Variants in MRTFB observed in about 807,000 individuals in gnomAD.
The protein encoded by MRTFB is myocardin related transcription factor B, also known as myocardin-related transcription factor B.
A neutral mutation model predicts 104.2 loss-of-function variants in MRTFB; 29 were observed. That is an observed-to-expected ratio of 0.28 (90% CI 0.21 to 0.38). The LOEUF (loss-of-function observed/expected upper bound fraction) is 0.38, where lower values mean the gene tolerates loss of function less well. Among genes scored for constraint, MRTFB ranks in the 10% least tolerant of loss-of-function variants. The probability of loss-of-function intolerance (pLI) is 1.00; values close to 1 mark genes in which losing one functional copy is unlikely to be tolerated. For synonymous variants in MRTFB, 535 were observed against 519.5 expected (o/e 1.03, Z -0.41); for missense variants, 1,270 against 1,341.6 (o/e 0.95, Z 0.83).
the MRTFB span, among the ~76,000 whole-genome samples, chr16:14,048,079 A>G: frequency 6.6e-6 from 1 of 152,178 alleles, no homozygotes; most frequent in African/African-American, 2.4e-5. Context: ...ACCCATTCCA[A>G]ATGGGAGAAA....
chr16:14,045,034 C>A, the MRTFB span, among the ~76,000 whole-genome samples: 1 of 152,132 alleles, frequency 6.6e-6, no homozygotes. Context: ...TGCCATGAAC[C>A]TTTTGCCCCT....
chr16:14,164,487 A>G lies in MRTFB; in HGVS notation c.154+23727A>G, dbSNP rs148547592. 2.5e-4 allele frequency among the ~76,000 whole-genome samples: 38 copies of G among 152,064 alleles called. 1 individual carries two copies. The East Asian group carries it at 5.0e-3, about 20-fold the overall frequency. ...GGGGATGGGGGTGTTCACACACTAC[A>G]TTTTCTTTATCCATTCATCTGATGG... On this transcript the variant is annotated intron_variant, in intron 3 of 16. Transcript: ENST00000571589.
chr16:14,056,281 T>C, the MRTFB span, among the ~76,000 whole-genome samples: 1 of 152,156 alleles, frequency 6.6e-6, no homozygotes, highest in African/African-American at 2.4e-5. Flanking sequence ...GCCCGGCCTA[T>C]TAATTGTAAT....
intron 3 of MRTFB, among the ~76,000 whole-genome samples, chr16:14,145,442 C>T (rs943568584): frequency 6.6e-6 from 1 of 152,116 alleles, no homozygotes; most frequent in African/African-American, 2.4e-5. Flanking sequence ...ATGAAGTTGA[C>T]GTTTAATGAT....
the MRTFB span, among the ~76,000 whole-genome samples, chr16:14,053,471 A>G: frequency 6.6e-6 from 1 of 152,022 alleles, no homozygotes; most frequent in African/African-American, 2.4e-5. Context: ...AGTGGCTCAC[A>G]TCTGTAATCC....
chr16:14,195,422 G>T, intron 3 of MRTFB: 2 of 645,798 alleles, frequency 3.1e-6, no homozygotes, highest in Non-Finnish European at 3.8e-6. Flanking sequence ...GCACATGTGT[G>T]TGTATATATA....
the MRTFB span, among the ~76,000 whole-genome samples, chr16:14,001,244 G>A: frequency 6.6e-6 from 1 of 152,198 alleles, no homozygotes; most frequent in Non-Finnish European, 1.5e-5. Flanking sequence ...CTCCAAAGGC[G>A]GCCAAGGGTA....
rs1597019330 is a variant in MRTFB, at chr16:14,135,820, C to G, written c.-63-4724C>G. Among the ~76,000 whole-genome samples, 13 of 152,298 alleles carry G rather than the reference C, an allele frequency of 8.5e-5. No individual in the cohort carries two copies. In the South Asian group the frequency reaches 2.7e-3, roughly 32 times the overall value. ...CTTCTACCACTCTGTGTCATGCCCT[C>G]TACACTGGCCCCATCCAGCTTTTTG... On this transcript the variant is annotated intron_variant, in intron 2 of 16. Transcript: ENST00000571589.
intron 3 of MRTFB, among the ~76,000 whole-genome samples, chr16:14,202,737 T>C (rs1597236843): frequency 6.6e-6 from 1 of 152,210 alleles, no homozygotes; most frequent in African/African-American, 2.4e-5. Context: ...TTCAGTACAA[T>C]TGTTTTCAAG....
At position 14,248,996 on chromosome 16, in the gene MRTFB, T is replaced by C. The variant is rs1188452961; in HGVS notation, c.2318T>C (p.Leu773Ser). Residue 773 changes from leucine to serine, a missense_variant, in exon 13 of 17, where the codon TTG (leucine) becomes TCG (serine). Physicochemically the swap from Leu to Ser is moderately radical, Grantham distance 145. Coordinates refer to ENST00000571589, the MANE Select transcript of MRTFB (RefSeq NM_001308142.2). ...GCTGCACAAATACCAACTGCTGCCT[T>C]GGCCTCAGGCTTGGCCCCAACTGTA... ...ATAAQIPTAA[L>S]ASGLAPTVPQ... 1 of 1,614,210 alleles carries C rather than the reference T, an allele frequency of 6.2e-7. No individual in the cohort carries two copies. Among genetic ancestry groups the C allele is most frequent in the Non-Finnish European group, 8.5e-7 (1 of 1,180,028 alleles).
At chr16:14,193,242 ATGAT>A (rs1445990293) in intron 3 of MRTFB, among the ~76,000 whole-genome samples, 4 of 144,298 alleles carry the variant, frequency 2.8e-5, no homozygotes, top group African/African-American at 7.6e-5. Flanking sequence ...AAAAAAAAGA[ATGAT>A]CATCTTAAAA....
chr16:14,261,456 T>C lies in MRTFB; in HGVS notation c.*12T>C, dbSNP rs759357625. Reference sequence around the variant, plus strand: ...TGCCATGGGACTAACGTCACAGATTTCTTTTCTGAGAGTTGATGAGGTTTA... The same window carrying C: ...TGCCATGGGACTAACGTCACAGATTCCTTTTCTGAGAGTTGATGAGGTTTA... On this transcript the variant is annotated 3_prime_UTR_variant, in exon 17 of 17. Coordinates refer to ENST00000571589, the MANE Select transcript of MRTFB (RefSeq NM_001308142.2). The C allele has an allele frequency of 3.2e-6, 5 of 1,571,318 alleles. No homozygotes were observed. In the South Asian group the frequency reaches 5.9e-5, roughly 18 times the overall value.
intron 2 of MRTFB, among the ~76,000 whole-genome samples, chr16:14,107,356 A>G (rs1342500301): frequency 1.3e-5 from 2 of 152,166 alleles, no homozygotes; most frequent in Admixed American, 6.5e-5. Flanking sequence ...TCTCTCTCCC[A>G]TTCACGCCTA....
chr16:14,020,457 T>C, the MRTFB span: 1 of 152,140 alleles, frequency 6.6e-6, no homozygotes, highest in Non-Finnish European at 1.5e-5. Context: ...TTGAAGCTTA[T>C]AGCCAAATTT....
At chr16:14,154,400 T>G (rs2038746712) in intron 3 of MRTFB, among the ~76,000 whole-genome samples, 1 of 152,126 alleles carries the variant, frequency 6.6e-6, no homozygotes, top group African/African-American at 2.4e-5. Context: ...AAAAAGAAAT[T>G]TTAAAAATAA....
At chr16:14,087,939 TC>T (rs2034822531) in intron 2 of MRTFB, among the ~76,000 whole-genome samples, 2 of 152,234 alleles carry the variant, frequency 1.3e-5, no homozygotes, top group Admixed American at 1.3e-4. Context: ...GTCTCTCAGT[TC>T]AGTGCTTTTA....
At chr16:14,206,652 C>G (rs756127111) in intron 3 of MRTFB, among the ~76,000 whole-genome samples, 2 of 152,154 alleles carry the variant, frequency 1.3e-5, no homozygotes, top group Non-Finnish European at 2.9e-5. Context: ...AACGATTCTT[C>G]TGCCTCAGCC....
At chr16:14,227,829 T>G (rs1227931025) in intron 8 of MRTFB, among the ~76,000 whole-genome samples, 2 of 151,544 alleles carry the variant, frequency 1.3e-5, no homozygotes, top group Non-Finnish European at 2.9e-5. Context: ...TTAAAAGCAG[T>G]CCAAAACAGA....
At chr16:14,203,019 A>G (rs2040775482) in intron 3 of MRTFB, among the ~76,000 whole-genome samples, 1 of 152,146 alleles carries the variant, frequency 6.6e-6, no homozygotes, top group East Asian at 1.9e-4. Context: ...AAAATAAACA[A>G]CTGAAACTAG....
Sources: allele counts gnomAD v4.1 joint callset (sites outside exome capture counted in the v4.1 genomes callset), GRCh38; gene constraint gnomAD v4.1.1; transcripts MANE v1.5; gene names NCBI Gene and HGNC (gene_info 2026-07-23, HGNC 2026-07-21).